THRB: variants seen among roughly 807,000 people sequenced by gnomAD.
THRB encodes the protein nuclear receptor subfamily 1 group A member 2.
Under a neutral mutation model 47.8 loss-of-function variants are expected in THRB, and 12 were observed. That is an observed-to-expected ratio of 0.25 (90% confidence interval 0.16 to 0.41). The LOEUF is 0.41. Ranked by LOEUF, THRB falls within the 10% of genes least tolerant of loss-of-function variation. The pLI is 1.00. For missense variants in THRB, 348 were observed against 589.2 expected (o/e 0.59, Z 4.24); for synonymous variants, 218 against 212.2 (o/e 1.03, Z -0.24).
chr3:24,278,927 C>G (rs766872496), intron 3 of THRB, among the ~76,000 whole-genome samples: 5 of 151,722 alleles, frequency 3.3e-5, no homozygotes, highest in Non-Finnish European at 7.4e-5. Flanking sequence ...TCACTGCAGC[C>G]TTGAACTCCT....
chr3:24,325,433 T>A (rs1256904706), intron 2 of THRB, among the ~76,000 whole-genome samples: 1 of 152,220 alleles, frequency 6.6e-6, no homozygotes, highest in African/African-American at 2.4e-5. Flanking sequence ...ATGCCTGTAG[T>A]CCCAGCACTT....
At chr3:24,182,624 C>G (rs2042048575) in intron 5 of THRB, among the ~76,000 whole-genome samples, 1 of 152,176 alleles carries the variant, frequency 6.6e-6, no homozygotes, top group African/African-American at 2.4e-5. Context: ...AAATAACTCC[C>G]ATCTATTGAG....
intron 1 of THRB, among the ~76,000 whole-genome samples, chr3:24,447,789 T>C (rs2072245753): frequency 6.6e-6 from 1 of 151,934 alleles, no homozygotes; most frequent in Admixed American, 6.6e-5. Context: ...GTCAGTGCTC[T>C]GCAAATGGGA....
At chr3:24,221,584 C>A (rs1399956358) in intron 4 of THRB, among the ~76,000 whole-genome samples, 1 of 152,090 alleles carries the variant, frequency 6.6e-6, no homozygotes, top group Non-Finnish European at 1.5e-5. Context: ...AAGAAGCCAG[C>A]TTTGTAAAGG....
At chr3:24,313,344 C>T (rs750901901) in intron 2 of THRB, among the ~76,000 whole-genome samples, 1 of 152,146 alleles carries the variant, frequency 6.6e-6, no homozygotes, top group Non-Finnish European at 1.5e-5. Context: ...CTTTCACATC[C>T]AGAAATGCCT....
chr3:24,315,971 T>C (rs1030190249), intron 2 of THRB, among the ~76,000 whole-genome samples: 1 of 152,198 alleles, frequency 6.6e-6, no homozygotes, highest in African/African-American at 2.4e-5. Context: ...GTTTCTGTTT[T>C]TTTTCTTTTT....
intron 4 of THRB, among the ~76,000 whole-genome samples, chr3:24,204,081 G>A (rs2044969046): frequency 6.6e-6 from 1 of 152,378 alleles, no homozygotes; most frequent in East Asian, 1.9e-4. Flanking sequence ...ACCTCTGGGG[G>A]CAGGGCATAG....
intron 1 of THRB, among the ~76,000 whole-genome samples, chr3:24,349,522 C>A (rs1193122601): frequency 6.6e-6 from 1 of 151,918 alleles, no homozygotes; most frequent in Non-Finnish European, 1.5e-5. Flanking sequence ...CACAAGAGCT[C>A]CAAAGAGAGT....
At chr3:24,200,721 G>A (rs1017181217) in intron 4 of THRB, among the ~76,000 whole-genome samples, 2 of 152,170 alleles carry the variant, frequency 1.3e-5, no homozygotes, top group African/African-American at 4.8e-5. Context: ...AGTTTTTAGG[G>A]AAGAGACATT....
At chr3:24,423,657 C>T (rs1200884108) in intron 1 of THRB, among the ~76,000 whole-genome samples, 1 of 151,728 alleles carries the variant, frequency 6.6e-6, no homozygotes, top group African/African-American at 2.4e-5. Context: ...CAGGTTAGTC[C>T]TGAGCAATTC....
intron 3 of THRB, among the ~76,000 whole-genome samples, chr3:24,263,488 A>G (rs1389732547): frequency 6.6e-6 from 1 of 152,106 alleles, no homozygotes; most frequent in Non-Finnish European, 1.5e-5. Context: ...TATGCATAAT[A>G]TATCTTATAT....
chr3:24,440,289 T>C (rs573246342), intron 1 of THRB, among the ~76,000 whole-genome samples: 1 of 152,320 alleles, frequency 6.6e-6, no homozygotes, highest in South Asian at 2.1e-4. Context: ...ATGTCAATCA[T>C]AATGTTGACA....
chr3:24,246,740 T>A (rs753644377), intron 3 of THRB, among the ~76,000 whole-genome samples: 1 of 152,182 alleles, frequency 6.6e-6, no homozygotes, highest in African/African-American at 2.4e-5. Flanking sequence ...GATCCCAAAA[T>A]GATAGTTTTT....
chr3:24,495,392 T>G (rs564394806), upstream of THRB: 124 of 153,386 alleles, frequency 8.1e-4, no homozygotes, highest in African/African-American at 2.3e-3. Flanking sequence ...TCCGACGCGC[T>G]CACAGCGCCC....
At chr3:24,222,157 C>T (rs928656359) in intron 4 of THRB, among the ~76,000 whole-genome samples, 1 of 152,176 alleles carries the variant, frequency 6.6e-6, no homozygotes, top group Non-Finnish European at 1.5e-5. Flanking sequence ...TAGAGAAACT[C>T]GTGAACTGAG....
chr3:24,298,953 GA>G (rs1297413668), intron 2 of THRB, among the ~76,000 whole-genome samples: 1 of 151,838 alleles, frequency 6.6e-6, no homozygotes, highest in Non-Finnish European at 1.5e-5. Flanking sequence ...TTTCTGCTTA[GA>G]AAAGTAATTC....
chr3:24,427,043 A>G (rs1293769554), intron 1 of THRB, among the ~76,000 whole-genome samples: 4 of 151,960 alleles, frequency 2.6e-5, no homozygotes, highest in Non-Finnish European at 5.9e-5. Flanking sequence ...TGCATTGTTC[A>G]GCTAGAGTTT....
intron 1 of THRB, among the ~76,000 whole-genome samples, chr3:24,431,403 G>A (rs528648420): frequency 3.9e-4 from 60 of 151,932 alleles, no homozygotes; most frequent in Non-Finnish European, 7.4e-4. Flanking sequence ...AAAAGATGTC[G>A]AACCTCATTA....
At chr3:24,335,250 C>T (rs978461137) in intron 2 of THRB, among the ~76,000 whole-genome samples, 12 of 152,198 alleles carry the variant, frequency 7.9e-5, no homozygotes, top group African/African-American at 2.9e-4. Flanking sequence ...AATCTCTACT[C>T]CCAGAACTCC....
Sources: allele counts gnomAD v4.1 joint callset (sites outside exome capture counted in the v4.1 genomes callset), GRCh38; gene constraint gnomAD v4.1.1; transcripts MANE v1.5; gene names NCBI Gene and HGNC (gene_info 2026-07-23, HGNC 2026-07-21).